Variants in DRC2 observed in about 807,000 individuals in gnomAD.
The protein encoded by DRC2 is coiled-coil domain containing 65.
At chr12:48,917,114 G>C in the DRC2 span, 1 of 1,613,860 alleles carries the variant, frequency 6.2e-7, no homozygotes, top group South Asian at 1.1e-5. Flanking sequence ...ACATGGTACG[G>C]AGGGAGAGTA....
the DRC2 span, among the ~76,000 whole-genome samples, chr12:48,913,658 A>AT: frequency 1.3e-5 from 2 of 151,154 alleles, no homozygotes; most frequent in African/African-American, 4.9e-5. Context: ...CATGGCCGGA[A>AT]TTTTTTTTTC....
chr12:48,918,171 TA>T, the DRC2 span: 1 of 1,083,540 alleles, frequency 9.2e-7, no homozygotes, highest in Admixed American at 2.0e-5. Flanking sequence ...ACCTCTGTAC[TA>T]AACTATGCTA....
At chr12:48,920,441 T>TTTAAAAAAAAAAAAAAAAAAAAAAA in the DRC2 span, among the ~76,000 whole-genome samples, 1 of 67,816 alleles carries the variant, frequency 1.5e-5, no homozygotes, top group Non-Finnish European at 2.6e-5. Context: ...AACTCCATCT[T>TTTAAAAAAAAAAAAAAAAAAAAAAA]AAAAAAAAAA....
the DRC2 span, among the ~76,000 whole-genome samples, chr12:48,906,914 T>C: frequency 6.6e-6 from 1 of 151,494 alleles, no homozygotes; most frequent in Admixed American, 6.6e-5. Flanking sequence ...TATTGGAAGT[T>C]ATCAAACACT....
At chr12:48,915,114 C>T in the DRC2 span, among the ~76,000 whole-genome samples, 6 of 133,910 alleles carry the variant, frequency 4.5e-5, no homozygotes, top group South Asian at 2.4e-4. Context: ...CACTTTCTTT[C>T]TTTTTTTTTT....
the DRC2 span, among the ~76,000 whole-genome samples, chr12:48,912,361 G>C: frequency 1.1e-3 from 160 of 147,518 alleles, 1 homozygote; most frequent in African/African-American, 3.8e-3. Context: ...ACCCGGGAGA[G>C]GGAGCTTGCA....
At chr12:48,916,120 G>C in the DRC2 span, among the ~76,000 whole-genome samples, 1 of 148,620 alleles carries the variant, frequency 6.7e-6, no homozygotes, top group Admixed American at 6.8e-5. Flanking sequence ...TCCAGACTGG[G>C]CAGCCAGGCA....
At chr12:48,920,243 A>G in the DRC2 span, among the ~76,000 whole-genome samples, 1 of 150,204 alleles carries the variant, frequency 6.7e-6, no homozygotes, top group African/African-American at 2.4e-5. Context: ...GGAGTTCGAG[A>G]CCAGCCTGAC....
the DRC2 span, among the ~76,000 whole-genome samples, chr12:48,920,138 GAATT>G: frequency 1.6e-5 from 1 of 61,654 alleles, no homozygotes; most frequent in Non-Finnish European, 3.5e-5. Context: ...AAAAAAAAAA[GAATT>G]AATAATGAAT....
chr12:48,918,155 T>C, the DRC2 span: 1 of 893,310 alleles, frequency 1.1e-6, no homozygotes, highest in Non-Finnish European at 1.7e-6. Context: ...GGCATTTTCA[T>C]GGGAGACCTC....
chr12:48,919,053 C>T, the DRC2 span: 1 of 596,604 alleles, frequency 1.7e-6, no homozygotes. Context: ...GTTTCCTCCC[C>T]TCTTACATTA....
the DRC2 span, among the ~76,000 whole-genome samples, chr12:48,916,192 C>T: frequency 9.9e-5 from 15 of 151,140 alleles, no homozygotes; most frequent in African/African-American, 1.7e-4. Context: ...ACTTCCCAGA[C>T]GGGGTGGCGG....
the DRC2 span, among the ~76,000 whole-genome samples, chr12:48,908,873 T>C: frequency 2.0e-5 from 3 of 150,762 alleles, no homozygotes; most frequent in African/African-American, 7.3e-5. Context: ...AGTGCTGGGA[T>C]TATAGGCATG....
the DRC2 span, chr12:48,918,679 C>G: frequency 6.2e-7 from 1 of 1,612,560 alleles, no homozygotes; most frequent in South Asian, 1.1e-5. Context: ...TACTCTGTTC[C>G]TCTAGGATGC....
At chr12:48,914,281 C>A in the DRC2 span, 1 of 972,874 alleles carries the variant, frequency 1.0e-6, no homozygotes, top group Non-Finnish European at 1.5e-6. Flanking sequence ...GGGGGACAGC[C>A]AGCATTCTTA....
the DRC2 span, among the ~76,000 whole-genome samples, chr12:48,909,695 T>C: frequency 2.0e-5 from 3 of 152,066 alleles, no homozygotes. Flanking sequence ...CCAGCTGGTC[T>C]CGAACTCCTG....
the DRC2 span, chr12:48,904,823 T>A: frequency 2.2e-5 from 18 of 801,324 alleles, no homozygotes; most frequent in Admixed American, 6.3e-5. Flanking sequence ...TTGCCCTCCC[T>A]AAATGCCATC....
the DRC2 span, chr12:48,904,395 T>C: frequency 6.2e-7 from 1 of 1,614,098 alleles, no homozygotes; most frequent in African/African-American, 1.3e-5. Flanking sequence ...CAGCTGCTTC[T>C]GTTTCAGCAG....
chr12:48,905,972 C>T, the DRC2 span, among the ~76,000 whole-genome samples: 76,396 of 151,834 alleles, frequency 0.5, 19,518 homozygotes, highest in South Asian at 0.74. Flanking sequence ...GGGGTTTCAC[C>T]ATGTTGGCCA....
Sources: allele counts gnomAD v4.1 joint callset (sites outside exome capture counted in the v4.1 genomes callset), GRCh38; gene constraint gnomAD v4.1.1; transcripts MANE v1.5; gene names NCBI Gene and HGNC (gene_info 2026-07-23, HGNC 2026-07-21).